C15orf39: variants seen among roughly 807,000 people sequenced by gnomAD.
The protein encoded by C15orf39 is uncharacterized protein C15orf39.
C15orf39 carries 24 observed loss-of-function variants against 53.9 expected under a neutral mutation model. The observed-to-expected ratio is 0.45, with a 90% CI of 0.32 to 0.63. C15orf39 has a LOEUF of 0.63. Among genes scored for constraint, C15orf39 ranks in the 20% least tolerant of loss-of-function variants. The pLI, the probability that C15orf39 is intolerant of heterozygous loss-of-function variation, is 0.04. For synonymous variants in C15orf39, 569 were observed against 576.5 expected (o/e 0.99, Z 0.19); for missense variants, 1,271 against 1,347.9 (o/e 0.94, Z 0.89).
rs1333078585 is a variant in C15orf39 at position 75,207,834 on chromosome 15, C to T, written c.1786C>T (p.His596Tyr). ...TGTCAAGGCTTCCCGTTCTGTGGAGCATGCCAAGCCTACTGCAGCCATGGA... is the reference window on the plus strand; with the variant it reads ...TGTCAAGGCTTCCCGTTCTGTGGAGTATGCCAAGCCTACTGCAGCCATGGA... The part of the protein sequence containing the change: ...SPVKASRSVE[H>Y]AKPTAAMDVP... The change falls in exon 2 of 3, where the codon CAT becomes TAT. Residue 596 changes from histidine to tyrosine, a missense_variant. Physicochemically the swap from His to Tyr is moderately conservative, Grantham distance 83. Around this residue, in one of 2 missense-constraint regions of C15orf39, gnomAD observed 994 missense variants for 993.7 expected, o/e 1.00. Coordinates refer to ENST00000394987, the MANE Select transcript of C15orf39 (RefSeq NM_015492.5). 4.3e-6 allele frequency: 7 copies of T among 1,612,746 alleles called. No homozygotes were observed. Among genetic ancestry groups the T allele is most frequent in the African/African-American group, 1.3e-5 (1 of 74,920 alleles).
At chr15:75,200,840 A>T (rs910439989), upstream of C15orf39, among the ~76,000 whole-genome samples, 1 of 22,614 alleles carries the variant, frequency 4.4e-5, no homozygotes, top group Non-Finnish European at 1.2e-4. Flanking sequence ...CCCGCTCCCC[A>T]GGTGACCTCA....
In C15orf39 at chr15:75,201,934, T is replaced by C. The variant is rs963713206; in HGVS notation, c.-176T>C. ...GCAGCTAGGAGGGTTGCTCCGGGCT[T>C]GGTGCTCACTGCGACTTCCCGCGCA... is the stretch of plus-strand genomic sequence containing the variant. On this transcript the variant is annotated 5_prime_UTR_variant, in exon 1 of 3. Coordinates refer to ENST00000394987, the MANE Select transcript of C15orf39 (RefSeq NM_015492.5). The surrounding 1 kb of genome is among the most constrained non-coding windows in gnomAD (Gnocchi z 4.7). The C allele has an allele frequency of 6.6e-6, 1 of 151,924 alleles. No individual in the cohort carries two copies. The highest frequency in any genetic ancestry group is 6.6e-5 in the Admixed American group (1 of 15,250). The allele number at this position is 151,924 out of a possible 1,614,324, so 9.4% of individuals were successfully genotyped here. A position where few individuals can be genotyped will look rare whatever the true frequency, so the allele number is the denominator to read the frequency against.
chr15:75,203,312 G>A (rs1056632677), intron 1 of C15orf39, among the ~76,000 whole-genome samples: 4 of 152,206 alleles, frequency 2.6e-5, no homozygotes, highest in African/African-American at 7.2e-5. Context: ...GCTGAGTGAC[G>A]TTGGAGCTTG....
chr15:75,203,640 C>T (rs903916753), intron 1 of C15orf39, among the ~76,000 whole-genome samples: 18 of 152,154 alleles, frequency 1.2e-4, no homozygotes, highest in African/African-American at 4.3e-4. Context: ...CAGATAGGGG[C>T]CTCAAGAAGT....
Position 75,211,221 on chromosome 15 carries a change from C to A in C15orf39, c.*105C>A. On this transcript the variant is annotated 3_prime_UTR_variant, in exon 3 of 3. Transcript: ENST00000394987. Reference sequence around the variant, plus strand: ...GTGGATGCTGGGGCTGTGGCTGCTCCCCTGGAGGGGTTCCATCTCTGACCC... The same window carrying A: ...GTGGATGCTGGGGCTGTGGCTGCTCACCTGGAGGGGTTCCATCTCTGACCC... The A allele has an allele frequency of 6.2e-6, 9 of 1,449,604 alleles. No homozygotes were observed. Among genetic ancestry groups the A allele is most frequent in the Non-Finnish European group, 8.2e-6 (9 of 1,091,940 alleles). The allele number at this position is 1,449,604 out of a possible 1,614,324, so 89.8% of individuals were successfully genotyped here. A position where few individuals can be genotyped will look rare whatever the true frequency, so the allele number is the denominator to read the frequency against.
Position 75,207,395 on chromosome 15 carries a change from G to C in C15orf39, c.1347G>C (p.Lys449Asn). Reference sequence around the variant, plus strand: ...GGCTGCCCAGCTGCAGGAAAGAGAAGCTCCAGCCCCGGCTCAGTGAGCACT... The same window carrying C: ...GGCTGCCCAGCTGCAGGAAAGAGAACCTCCAGCCCCGGCTCAGTGAGCACT... ...KTWLPSCRKEKLQPRLSEHSG... is the reference protein window; with the variant it reads ...KTWLPSCRKENLQPRLSEHSG... The change falls in exon 2 of 3, where the codon AAG (lysine) becomes AAC (asparagine). Residue 449 changes from lysine (K) to asparagine (N), a missense_variant. Lys to Asn is a moderately conservative substitution (Grantham distance 94). Around this residue, in one of 2 missense-constraint regions of C15orf39, gnomAD observed 994 missense variants for 993.7 expected, o/e 1.00. Transcript: ENST00000394987. 2 of 1,613,350 alleles carry C rather than the reference G, an allele frequency of 1.2e-6. No homozygotes were observed. Among genetic ancestry groups the C allele is most frequent in the South Asian group, 2.2e-5 (2 of 91,084 alleles).
intron 2 of C15orf39, among the ~76,000 whole-genome samples, chr15:75,209,810 C>T (rs908455214): frequency 1.3e-4 from 20 of 152,178 alleles, no homozygotes; most frequent in Non-Finnish European, 2.9e-4. Context: ...AGCCTTGCCC[C>T]GGGCCCTTAC....
At chr15:75,202,387 CCT>C (rs2070409825) in intron 1 of C15orf39, 1 of 152,392 alleles carries the variant, frequency 6.6e-6, no homozygotes, top group Non-Finnish European at 1.5e-5. Context: ...CCCGCAGGAC[CCT>C]GTCACGTGGA....
chr15:75,206,720 C>T lies in C15orf39; in HGVS notation c.672C>T (p.Gly224=). The T allele has an allele frequency of 6.2e-7, 1 of 1,613,758 alleles. No homozygotes were observed. The highest frequency in any genetic ancestry group is 8.5e-7 in the Non-Finnish European group (1 of 1,179,934). Residue 224 remains glycine (G), a synonymous_variant, in exon 2 of 3, where the codon GGC becomes GGT. Transcript: ENST00000394987. ...LEKYQTIHST[G]FLASRYTGPY... is the part of the protein sequence containing the mutation. Reference sequence around the variant, plus strand: ...AATATCAGACCATCCACAGCACGGGCTTCCTGGCCTCCAGGTACACAGGTC... The same window carrying T: ...AATATCAGACCATCCACAGCACGGGTTTCCTGGCCTCCAGGTACACAGGTC...
In C15orf39 at chr15:75,212,083, G is replaced by C. The variant is rs1330022540; in HGVS notation, c.*967G>C. ...GGAGTGCTGAGCTCAACCAAAGGCT[G>C]GCAAGCTCTGGGCCTCATTTAAGGG... On this transcript the variant is annotated 3_prime_UTR_variant, in exon 3 of 3. Coordinates refer to ENST00000394987, the MANE Select transcript of C15orf39 (RefSeq NM_015492.5). The C allele has an allele frequency of 6.6e-6, 1 of 152,250 alleles. No individual in the cohort carries two copies. The highest frequency in any genetic ancestry group is 1.5e-5 in the Non-Finnish European group (1 of 68,070). The allele number at this position is 152,250 out of a possible 1,614,324, so 9.4% of individuals were successfully genotyped here.
At position 75,206,185 on chromosome 15, in the gene C15orf39, C is replaced by A; in HGVS notation, c.137C>A (p.Ser46Tyr). 6 of 1,614,106 alleles carry A rather than the reference C, an allele frequency of 3.7e-6. No individual in the cohort carries two copies. Among genetic ancestry groups the A allele is most frequent in the Non-Finnish European group, 5.1e-6 (6 of 1,179,982 alleles). The change falls in exon 2 of 3, where the codon TCC becomes TAC. Residue 46 changes from serine (S) to tyrosine (Y), a missense_variant. By Grantham distance (144) the Ser-to-Tyr change is moderately radical. Around this residue, in one of 2 missense-constraint regions of C15orf39, gnomAD observed 994 missense variants for 993.7 expected, o/e 1.00. Transcript: ENST00000394987. ...GNQDPCTYKGSYFSCPMAGTP... is the reference protein window; with the variant it reads ...GNQDPCTYKGYYFSCPMAGTP... ...CAGGATCCCTGCACCTACAAGGGGT[C>A]CTACTTCTCCTGCCCCATGGCAGGT...
chr15:75,199,626 T>C (rs1475977856), upstream of C15orf39, among the ~76,000 whole-genome samples: 3 of 152,164 alleles, frequency 2.0e-5, no homozygotes, highest in African/African-American at 7.2e-5. Flanking sequence ...TCTGACCTTT[T>C]ACCTTGCATT....
intron 1 of C15orf39, among the ~76,000 whole-genome samples, chr15:75,204,981 G>A (rs904593204): frequency 1.3e-5 from 2 of 152,174 alleles, no homozygotes; most frequent in African/African-American, 4.8e-5. Flanking sequence ...TGACTCCTGC[G>A]GAGGGGGAGG....
intron 1 of C15orf39, among the ~76,000 whole-genome samples, chr15:75,204,987 G>A (rs1186702510): frequency 2.6e-5 from 4 of 152,194 alleles, no homozygotes; most frequent in African/African-American, 7.2e-5. Context: ...CTGCGGAGGG[G>A]GAGGAGTGGG....
Position 75,206,533 on chromosome 15 carries a change from C to A in C15orf39, c.485C>A (p.Ala162Glu). 1.9e-6 allele frequency: 3 copies of A among 1,613,974 alleles called. No individual in the cohort carries two copies. Among genetic ancestry groups the A allele is most frequent in the Non-Finnish European group, 2.5e-6 (3 of 1,179,958 alleles). ...KRPLDVDWTL[A>E]TGPLLPSADP... ...CCACTGGATGTTGACTGGACTCTGG[C>A]GACTGGGCCCCTGTTGCCCTCAGCT... Residue 162 changes from alanine (A) to glutamate (E), a missense_variant, in exon 2 of 3, where the codon GCG (alanine) becomes GAG (glutamate). By Grantham distance (107) the Ala-to-Glu change is moderately radical. This residue lies in a region of C15orf39 where 994 missense variants were observed against 993.7 expected (regional missense o/e 1.00). Transcript: ENST00000394987.
intron 2 of C15orf39, among the ~76,000 whole-genome samples, chr15:75,210,271 T>C (rs1168355616): frequency 6.6e-6 from 1 of 152,202 alleles, no homozygotes; most frequent in African/African-American, 2.4e-5. Flanking sequence ...TAGACAGTTA[T>C]CCCTGCCTTC....
Position 75,207,437 on chromosome 15 carries a change from C to T in C15orf39, c.1389C>T (p.Val463=). ...RLSEHSGPPI[V]IRDSPVPCTP... ...GTGAGCACTCTGGGCCGCCCATCGTCATCCGAGACAGTCCAGTTCCCTGTA... is the reference window on the plus strand; with the variant it reads ...GTGAGCACTCTGGGCCGCCCATCGTTATCCGAGACAGTCCAGTTCCCTGTA... The change falls in exon 2 of 3, where the codon GTC becomes GTT. Residue 463 remains valine (V), a synonymous_variant. Coordinates refer to ENST00000394987, the MANE Select transcript of C15orf39 (RefSeq NM_015492.5). 3 of 1,613,592 alleles carry T rather than the reference C, an allele frequency of 1.9e-6. No homozygotes were observed. Among genetic ancestry groups the T allele is most frequent in the Non-Finnish European group, 2.5e-6 (3 of 1,180,020 alleles).
In C15orf39 at chr15:75,207,631, ACT is replaced by A. The variant is rs766729068; in HGVS notation, c.1586_1587del (p.Ser529CysfsTer4). ...GCACCCGAGGCCACAACTGAGCCTGACTCTGCCACAGCTGAGCCTGACTCAGC... is the reference window on the plus strand; with the variant it reads ...GCACCCGAGGCCACAACTGAGCCTGACTGCCACAGCTGAGCCTGACTCAGC... On this transcript the variant is annotated frameshift_variant, in exon 2 of 3. Transcript: ENST00000394987. LOFTEE classifies it high-confidence loss of function. 1 of 1,612,134 alleles carries A rather than the reference ACT, an allele frequency of 6.2e-7. No homozygotes were observed. The highest frequency in any genetic ancestry group is 8.5e-7 in the Non-Finnish European group (1 of 1,179,668).
Position 75,207,823 on chromosome 15 carries a change from G to T in C15orf39, c.1775G>T (p.Arg592Leu). Residue 592 changes from arginine (R) to leucine (L), a missense_variant, in exon 2 of 3, where the codon CGT becomes CTT. Coordinates refer to ENST00000394987, the MANE Select transcript of C15orf39 (RefSeq NM_015492.5). ...TAEASPVKAS[R>L]SVEHAKPTAA... ...GAGGCCTCCCCTGTCAAGGCTTCCCGTTCTGTGGAGCATGCCAAGCCTACT... is the reference window on the plus strand; with the variant it reads ...GAGGCCTCCCCTGTCAAGGCTTCCCTTTCTGTGGAGCATGCCAAGCCTACT... The T allele has an allele frequency of 6.2e-7, 1 of 1,612,372 alleles. No individual in the cohort carries two copies. The highest frequency in any genetic ancestry group is 1.1e-5 in the South Asian group (1 of 90,958).
Sources: allele counts gnomAD v4.1 joint callset (sites outside exome capture counted in the v4.1 genomes callset), GRCh38; gene constraint gnomAD v4.1.1; regional missense constraint gnomAD v4.1.1; non-coding constraint Gnocchi (gnomAD v3.1); transcripts MANE v1.5; gene names NCBI Gene and HGNC (gene_info 2026-07-23, HGNC 2026-07-21).